FLACC1: variants seen among roughly 807,000 people sequenced by gnomAD.
FLACC1 encodes the protein flagellum associated containing coiled-coil domains 1.
Under a neutral mutation model 62.8 loss-of-function variants are expected in FLACC1, and 66 were observed. That is an observed-to-expected ratio of 1.05 (90% CI 0.86 to 1.29). FLACC1 has a LOEUF of 1.29. FLACC1 is among the 50% of genes most tolerant of loss of function. FLACC1 has a pLI of 0.00. For missense variants in FLACC1, 452 were observed against 489.1 expected (o/e 0.92, Z 0.71); for synonymous variants, 156 against 161.0 (o/e 0.97, Z 0.24).
upstream of FLACC1, among the ~76,000 whole-genome samples, chr2:201,361,201 CAG>C (rs368325015): frequency 4.1e-3 from 618 of 152,344 alleles, 3 homozygotes; most frequent in African/African-American, 0.014. Flanking sequence ...ATTCAGGTCT[CAG>C]GGAATGCTTC....
intron 5 of FLACC1, among the ~76,000 whole-genome samples, chr2:201,345,853 G>A (rs998535519): frequency 6.6e-6 from 1 of 152,128 alleles, no homozygotes; most frequent in African/African-American, 2.4e-5. Context: ...GGCATGAGCT[G>A]AGTAGTATTT....
At chr2:201,290,067 A>ACTC (rs1949697343) in intron 12 of FLACC1, among the ~76,000 whole-genome samples, 1 of 152,114 alleles carries the variant, frequency 6.6e-6, no homozygotes, top group Non-Finnish European at 1.5e-5. Flanking sequence ...ATTATATGAC[A>ACTC]CTCTGGAAAA....
intron 9 of FLACC1, among the ~76,000 whole-genome samples, chr2:201,315,985 A>T (rs2125574033): frequency 6.6e-6 from 1 of 152,254 alleles, no homozygotes. Context: ...ATGGAAATTT[A>T]AAAAAATTCT....
rs150917343 is a variant in FLACC1, at chr2:201,351,399, G to A, written c.6C>T (p.Tyr2=). Residue 2 remains tyrosine, a synonymous_variant, in exon 2 of 15, where the codon TAC becomes TAT. Transcript: ENST00000392257. ...AGGTGCAGTAGATGAGAGGGTTGGG[G>A]TACATGGCCAAAGGTCAGGGGGAGT... M[Y]PNPLIYCTCW... 5 of 1,612,892 alleles carry A rather than the reference G, an allele frequency of 3.1e-6. No individual in the cohort carries two copies. The African/African-American group carries it at 6.7e-5, about 22-fold the overall frequency.
intron 6 of FLACC1, 63 bp downstream of exon 6, chr2:201,344,107 G>A (rs566102054): frequency 6.9e-7 from 1 of 1,451,228 alleles, no homozygotes; most frequent in African/African-American, 1.4e-5. Flanking sequence ...TGGCACATAG[G>A]TGATTCAAAA....
chr2:201,315,912 G>A (rs765461883), intron 9 of FLACC1, among the ~76,000 whole-genome samples: 1 of 152,028 alleles, frequency 6.6e-6, no homozygotes, highest in Non-Finnish European at 1.5e-5. Context: ...TCAAAACCAT[G>A]CAAATACATG....
chr2:201,357,814 T>A (rs199729295), upstream of FLACC1, among the ~76,000 whole-genome samples: 32 of 146,798 alleles, frequency 2.2e-4, no homozygotes, highest in African/African-American at 7.4e-4. Context: ...TTTTTTTTTT[T>A]AAATAAAGCT....
At chr2:201,359,375 G>T (rs1951165366), upstream of FLACC1, among the ~76,000 whole-genome samples, 1 of 152,154 alleles carries the variant, frequency 6.6e-6, no homozygotes, top group South Asian at 2.1e-4. Context: ...GGAAGATTCT[G>T]GCCTAGAAGC....
intron 12 of FLACC1, 81 bp from the exon 13 acceptor site, chr2:201,289,866 T>C (rs777963831): frequency 1.9e-6 from 3 of 1,608,216 alleles, no homozygotes; most frequent in Non-Finnish European, 2.5e-6. Flanking sequence ...TGGACTATGA[T>C]GAAAGGGAGC....
upstream of FLACC1, among the ~76,000 whole-genome samples, chr2:201,358,411 A>ATT (rs529458487): frequency 3.6e-3 from 439 of 120,376 alleles, 4 homozygotes; most frequent in African/African-American, 0.012. Context: ...TGCCCAGCTA[A>ATT]TTTTTTTTTT....
At chr2:201,317,659 A>G (rs1950330515) in intron 9 of FLACC1, among the ~76,000 whole-genome samples, 1 of 152,238 alleles carries the variant, frequency 6.6e-6, no homozygotes. Context: ...AATTCCCATC[A>G]AAATACCACC....
chr2:201,315,116 C>CA lies in FLACC1; in HGVS notation c.676-5867dup, dbSNP rs201077822. ...CATAAATCTCACAGGACCTATAATA[C>CA]AAAAAAAAGCAAAAACAAAAACAAA... On this transcript the variant is annotated intron_variant, in intron 9 of 14. Transcript: ENST00000392257. Among the ~76,000 whole-genome samples the CA allele has an allele frequency of 1.0e-3, 155 of 151,286 alleles. 1 individual carries two copies. In the East Asian group the frequency reaches 0.025, roughly 25 times the overall value.
intron 9 of FLACC1, among the ~76,000 whole-genome samples, chr2:201,310,330 C>T (rs1325125941): frequency 6.6e-6 from 1 of 152,098 alleles, no homozygotes; most frequent in East Asian, 1.9e-4. Flanking sequence ...GTAAATAGAA[C>T]TTTAGAGGTG....
At chr2:201,298,986 A>G (rs1168032698) in intron 12 of FLACC1, among the ~76,000 whole-genome samples, 6 of 152,258 alleles carry the variant, frequency 3.9e-5, no homozygotes, top group East Asian at 1.9e-4. Context: ...AAGTCATTCA[A>G]CATTGAAGAT....
rs369125183 is a variant in FLACC1 at position 201,342,335 on chromosome 2, T to C, written c.524+35A>G. ...AAAGGATGCGGGACCCTTAGAGCCA[T>C]CAACACACACAAGGGTCCATGCCAG... On this transcript the variant is annotated intron_variant, in intron 7 of 14. Coordinates refer to ENST00000392257, the MANE Select transcript of FLACC1 (RefSeq NM_001127391.3). 146 of 1,611,514 alleles carry C rather than the reference T, an allele frequency of 9.1e-5. No individual in the cohort carries two copies. The African/African-American group carries it at 1.9e-3, about 21-fold the overall frequency.
At chr2:201,319,145 A>AC in intron 9 of FLACC1, among the ~76,000 whole-genome samples, 1 of 152,202 alleles carries the variant, frequency 6.6e-6, no homozygotes, top group Admixed American at 6.5e-5. Flanking sequence ...ACAGCTTGGT[A>AC]CTGATACAAA....
intron 7 of FLACC1, among the ~76,000 whole-genome samples, chr2:201,340,788 T>C (rs1950792098): frequency 6.6e-6 from 1 of 152,218 alleles, no homozygotes; most frequent in African/African-American, 2.4e-5. Flanking sequence ...GCAATTTCTG[T>C]AAGGCAGGCA....
At chr2:201,319,211 C>CCTACATCCA (rs1241770851) in intron 9 of FLACC1, among the ~76,000 whole-genome samples, 8 of 152,082 alleles carry the variant, frequency 5.3e-5, no homozygotes, top group Non-Finnish European at 1.0e-4. Flanking sequence ...AAGCTGCACA[C>CCTACATCCA]CTACATCCAT....
rs375052178 is a variant in FLACC1 at position 201,309,267 on chromosome 2, G to A, written c.676-17C>T. On this transcript the variant is annotated splice_polypyrimidine_tract_variant and intron_variant, in intron 9 of 14. Transcript: ENST00000392257. The stretch of plus-strand genomic sequence containing the variant: ...AATACTGTCCTGGGGAGGTACAAAG[G>A]CACCATGAAGAAAAGAGTCCTAAAA... 301 of 1,583,360 alleles carry A rather than the reference G, an allele frequency of 1.9e-4. 4 individuals are homozygous for A. In the South Asian group the frequency reaches 3.1e-3, roughly 16 times the overall value.
Sources: gnomAD v4.1 joint callset for allele counts (sites outside exome capture counted in the v4.1 genomes callset) on GRCh38, gnomAD v4.1.1 for gene constraint, MANE v1.5 for transcripts, NCBI Gene and HGNC (gene_info 2026-07-23, HGNC 2026-07-21) for gene names.